EPB41L2: variants seen among roughly 807,000 people sequenced by gnomAD.
EPB41L2 encodes band 4.1-like protein 2.
A neutral mutation model predicts 113.0 loss-of-function variants in EPB41L2; 43 were observed. The observed-to-expected ratio is 0.38, with a 90% CI of 0.30 to 0.49. The LOEUF is 0.49. EPB41L2 is among the 20% of genes least tolerant of loss of function. The pLI is 0.95. For missense variants in EPB41L2, 1,147 were observed against 1,223.4 expected (o/e 0.94, Z 0.93); for synonymous variants, 442 against 436.7 (o/e 1.01, Z -0.15).
chr6:130,938,658 T>C (rs1402267685), intron 3 of EPB41L2, among the ~76,000 whole-genome samples: 1 of 152,184 alleles, frequency 6.6e-6, no homozygotes, highest in African/African-American at 2.4e-5. Context: ...TCCAGCCCTC[T>C]AGCCTCCTCC....
chr6:130,862,002 T>C (rs994535434), intron 18 of EPB41L2, among the ~76,000 whole-genome samples: 6 of 152,082 alleles, frequency 3.9e-5, no homozygotes, highest in Non-Finnish European at 7.3e-5. Flanking sequence ...AAAAAGGAGA[T>C]TACTGTCCTT....
rs766192220 is a variant in EPB41L2 at position 130,885,170 on chromosome 6, C to T, written c.1759G>A (p.Val587Ile). Residue 587 changes from valine (V) to isoleucine (I), a missense_variant, in exon 12 of 20, where the codon GTA becomes ATA. Transcript: ENST00000337057. ...TCCCTCCTGCCGTCCCCATCTTGTACCACGGCAATGCTGACAAGTCCAGGT... is the reference window on the plus strand; with the variant it reads ...TCCCTCCTGCCGTCCCCATCTTGTATCACGGCAATGCTGACAAGTCCAGGT... ...YGPGLVSIAV[V>I]QDGDGRREVR... 2.8e-5 allele frequency: 45 copies of T among 1,614,014 alleles called. No homozygotes were observed. The Admixed American group carries it at 5.5e-4, about 20-fold the overall frequency.
intron 19 of EPB41L2, among the ~76,000 whole-genome samples, chr6:130,852,054 A>C (rs1318390381): frequency 2.0e-5 from 3 of 152,092 alleles, no homozygotes; most frequent in Non-Finnish European, 4.4e-5. Context: ...ATGCATCTCA[A>C]ACTCATTATC....
At chr6:131,019,612 T>C (rs1463168956) in intron 1 of EPB41L2, among the ~76,000 whole-genome samples, 3 of 152,212 alleles carry the variant, frequency 2.0e-5, no homozygotes, top group East Asian at 1.9e-4. Context: ...TGAATGAATA[T>C]TGGAATTTCA....
intron 5 of EPB41L2, among the ~76,000 whole-genome samples, chr6:130,905,495 T>C (rs1307263753): frequency 2.6e-5 from 4 of 151,948 alleles, no homozygotes; most frequent in African/African-American, 9.6e-5. Flanking sequence ...CATGGCTCAC[T>C]GCAACCTCAA....
intron 1 of EPB41L2, among the ~76,000 whole-genome samples, chr6:130,968,087 C>T (rs1410918813): frequency 6.6e-6 from 1 of 152,182 alleles, no homozygotes; most frequent in Non-Finnish European, 1.5e-5. Context: ...AACTCGTGCC[C>T]ACTTGGTATC....
intron 1 of EPB41L2, among the ~76,000 whole-genome samples, chr6:131,012,793 G>A (rs1787335140): frequency 6.6e-6 from 1 of 152,112 alleles, no homozygotes; most frequent in Non-Finnish European, 1.5e-5. Flanking sequence ...GTACACAGGT[G>A]CTCAGGCATG....
intron 4 of EPB41L2, among the ~76,000 whole-genome samples, chr6:130,926,279 A>C (rs145939277): frequency 6.6e-6 from 1 of 152,342 alleles, no homozygotes; most frequent in East Asian, 1.9e-4. Context: ...TGAGAGCCAA[A>C]AGTGATTAAA....
At chr6:131,031,007 G>A (rs79516270) in intron 1 of EPB41L2, among the ~76,000 whole-genome samples, 3,963 of 152,034 alleles carry the variant, frequency 0.026, 194 homozygotes, top group African/African-American at 0.091. Flanking sequence ...TGGGGGGATC[G>A]CCTGAGCCCA....
chr6:131,030,118 C>T (rs1791814446), intron 1 of EPB41L2, among the ~76,000 whole-genome samples: 1 of 152,144 alleles, frequency 6.6e-6, no homozygotes, highest in Admixed American at 6.5e-5. Flanking sequence ...CTAAGAGAAA[C>T]CAGAGGCTCT....
intron 3 of EPB41L2, among the ~76,000 whole-genome samples, chr6:130,931,582 TTCAA>T (rs1806883452): frequency 6.6e-6 from 1 of 152,172 alleles, no homozygotes; most frequent in South Asian, 2.1e-4. Context: ...AGCACTAATG[TTCAA>T]TCAAACTCGA....
intron 9 of EPB41L2, 68 bp downstream of exon 9, chr6:130,894,899 A>G: frequency 7.0e-7 from 1 of 1,435,344 alleles, no homozygotes; most frequent in East Asian, 2.4e-5. Flanking sequence ...TTAATAGAAA[A>G]GAATTTTTAA....
chr6:130,959,598 G>A (rs925247324), intron 1 of EPB41L2, among the ~76,000 whole-genome samples: 13 of 152,186 alleles, frequency 8.5e-5, no homozygotes, highest in African/African-American at 3.1e-4. Context: ...TCAGGCATCT[G>A]AAATTCAAAA....
rs1775056431 is a variant in EPB41L2, at chr6:130,840,222, G to A, written c.*382C>T. 6.6e-6 allele frequency: 1 copy of A among 152,594 alleles called. No individual in the cohort carries two copies. The highest frequency in any genetic ancestry group is 2.4e-5 in the African/African-American group (1 of 41,440). 9.5% of individuals were successfully genotyped at this position (152,594 alleles called of 1,614,324 possible). A position where few individuals can be genotyped will look rare whatever the true frequency, so the allele number is the denominator to read the frequency against. Reference sequence around the variant, plus strand: ...TTTCTGCGCAACAGCACCTGTTCAAGTGAACAGCACCTTACCAGCTTGGGC... The same window carrying A: ...TTTCTGCGCAACAGCACCTGTTCAAATGAACAGCACCTTACCAGCTTGGGC... On this transcript the variant is annotated 3_prime_UTR_variant, in exon 20 of 20. Transcript: ENST00000337057.
At chr6:130,920,602 C>T (rs1802560005) in intron 4 of EPB41L2, among the ~76,000 whole-genome samples, 1 of 152,010 alleles carries the variant, frequency 6.6e-6, no homozygotes. Flanking sequence ...CTCAAGTGAT[C>T]CTCCCACCTC....
chr6:130,961,725 T>G (rs1302457981), intron 1 of EPB41L2, among the ~76,000 whole-genome samples: 1 of 152,206 alleles, frequency 6.6e-6, no homozygotes. Flanking sequence ...TAGGTGCTGC[T>G]GCCAGCTGAG....
intron 1 of EPB41L2, among the ~76,000 whole-genome samples, chr6:131,050,236 G>A (rs918794096): frequency 3.9e-5 from 6 of 152,094 alleles, no homozygotes; most frequent in African/African-American, 1.4e-4. Context: ...CTACTCAGGA[G>A]GCTAAGGCAG....
intron 1 of EPB41L2, among the ~76,000 whole-genome samples, chr6:131,044,115 G>A (rs1412724306): frequency 2.8e-5 from 4 of 144,994 alleles, no homozygotes; most frequent in African/African-American, 1.0e-4. Context: ...TTGACCTCCT[G>A]AGCTCAGGAG....
chr6:130,979,561 A>C (rs1372022834), intron 1 of EPB41L2, among the ~76,000 whole-genome samples: 1 of 151,902 alleles, frequency 6.6e-6, no homozygotes, highest in Non-Finnish European at 1.5e-5. Flanking sequence ...ACTAAGATAG[A>C]AGCAATAAGA....
Sources: allele counts gnomAD v4.1 joint callset (sites outside exome capture counted in the v4.1 genomes callset), GRCh38; gene constraint gnomAD v4.1.1; transcripts MANE v1.5; gene names NCBI Gene and HGNC (gene_info 2026-07-23, HGNC 2026-07-21).